ZDHHC21: variants seen among roughly 807,000 people sequenced by gnomAD.
The protein encoded by ZDHHC21 is palmitoyltransferase ZDHHC21.
ZDHHC21 carries 15 observed loss-of-function variants against 34.6 expected under a neutral mutation model. The ratio of observed to expected loss-of-function variants is 0.43; its 90% CI spans 0.29 to 0.67. The LOEUF (loss-of-function observed/expected upper bound fraction) is 0.67, where lower values mean the gene tolerates loss of function less well. ZDHHC21 is among the 30% of genes least tolerant of loss of function. The probability of loss-of-function intolerance (pLI) is 0.14; values close to 1 mark genes in which losing one functional copy is unlikely to be tolerated. For missense variants in ZDHHC21, 344 were observed against 327.7 expected, an observed-to-expected ratio of 1.05 and a Z score of -0.38; for synonymous variants, 142 against 101.8, an observed-to-expected ratio of 1.40 and a Z score of -2.38.
intron 7 of ZDHHC21, among the ~76,000 whole-genome samples, chr9:14,641,584 T>C (rs1829390015): frequency 6.6e-6 from 1 of 152,040 alleles, no homozygotes; most frequent in South Asian, 2.1e-4. Context: ...CAAAACACAC[T>C]CACCCGTCAA....
chr9:14,625,725 A>G (rs2133506080), intron 8 of ZDHHC21, among the ~76,000 whole-genome samples: 1 of 152,086 alleles, frequency 6.6e-6, no homozygotes, highest in Non-Finnish European at 1.5e-5. Flanking sequence ...GTTTAAACAA[A>G]CAAACAAGTG....
chr9:14,681,534 G>T (rs1041104740), intron 2 of ZDHHC21, among the ~76,000 whole-genome samples: 5 of 152,176 alleles, frequency 3.3e-5, no homozygotes, highest in African/African-American at 1.2e-4. Context: ...ACCACTGAGG[G>T]ATTTTAGGCA....
chr9:14,636,445 T>G (rs1828318927), intron 8 of ZDHHC21, among the ~76,000 whole-genome samples: 1 of 152,134 alleles, frequency 6.6e-6, no homozygotes, highest in Non-Finnish European at 1.5e-5. Context: ...AGATAGACTC[T>G]AATACAGTAA....
the ZDHHC21 span, among the ~76,000 whole-genome samples, chr9:14,604,243 A>T: frequency 6.6e-6 from 1 of 152,152 alleles, no homozygotes; most frequent in Non-Finnish European, 1.5e-5. Context: ...CCACTATTTC[A>T]CTTCTCTTTG....
At chr9:14,639,250 A>C (rs576756397) in intron 8 of ZDHHC21, among the ~76,000 whole-genome samples, 2 of 152,176 alleles carry the variant, frequency 1.3e-5, no homozygotes, top group East Asian at 3.9e-4. Context: ...AATGAAACAA[A>C]CCAGGCACAG....
intron 1 of ZDHHC21, 21 bp downstream of exon 1, chr9:14,693,207 GC>G: frequency 2.8e-6 from 1 of 352,912 alleles, no homozygotes. Context: ...CGGCCGCTTC[GC>G]CCCCGCGCCT....
intron 3 of ZDHHC21, among the ~76,000 whole-genome samples, chr9:14,678,406 T>C (rs777463341): frequency 6.6e-6 from 1 of 151,664 alleles, no homozygotes; most frequent in Non-Finnish European, 1.5e-5. Flanking sequence ...ACAACATAAA[T>C]ATATAAAGAA....
intron 1 of ZDHHC21, among the ~76,000 whole-genome samples, chr9:14,691,473 G>A (rs560427337): frequency 6.6e-6 from 1 of 152,256 alleles, no homozygotes; most frequent in Non-Finnish European, 1.5e-5. Context: ...CGGTCATTAC[G>A]AATTAAAGAA....
chr9:14,601,864 G>A, the ZDHHC21 span, among the ~76,000 whole-genome samples: 1 of 152,088 alleles, frequency 6.6e-6, no homozygotes, highest in Non-Finnish European at 1.5e-5. Context: ...GATGAAGCTG[G>A]AAACCATCAT....
chr9:14,677,479 C>G (rs1836631786), intron 3 of ZDHHC21: 1 of 151,992 alleles, frequency 6.6e-6, no homozygotes, highest in African/African-American at 2.4e-5. Context: ...GAAACTATTA[C>G]ACATCCTGAG....
At chr9:14,671,320 T>C (rs1397385258) in intron 5 of ZDHHC21, among the ~76,000 whole-genome samples, 1 of 152,042 alleles carries the variant, frequency 6.6e-6, no homozygotes, top group African/African-American at 2.4e-5. Flanking sequence ...CTCACTCAAT[T>C]AATACATTTA....
rs759170358 is a variant in ZDHHC21 at position 14,662,316 on chromosome 9, G to A, written c.264C>T (p.Phe88=). The change falls in exon 6 of 10, where the codon TTC becomes TTT. Residue 88 remains phenylalanine, a synonymous_variant. Coordinates refer to ENST00000380916, the MANE Select transcript of ZDHHC21 (RefSeq NM_178566.6). ...AATTACACTTGTTACATAATTCCCA[G>A]AACTCCCTTTCTAAAGAAAAGAAAT... ...NPKIPHGERE[F]WELCNKCNLM... 2 of 1,605,658 alleles carry A rather than the reference G, an allele frequency of 1.2e-6. No homozygotes were observed. The highest frequency in any genetic ancestry group is 1.7e-6 in the Non-Finnish European group (2 of 1,177,256).
chr9:14,665,452 A>C (rs1170113354), intron 5 of ZDHHC21, among the ~76,000 whole-genome samples: 1 of 150,284 alleles, frequency 6.7e-6, no homozygotes, highest in Non-Finnish European at 1.5e-5. Context: ...GAACTTCCCC[A>C]ATCTAGCAAG....
intron 5 of ZDHHC21, among the ~76,000 whole-genome samples, chr9:14,662,935 C>T (rs1384343882): frequency 6.6e-6 from 1 of 152,066 alleles, no homozygotes; most frequent in African/African-American, 2.4e-5. Context: ...AGAATAGTTT[C>T]AGTAGTGAAA....
intron 3 of ZDHHC21, among the ~76,000 whole-genome samples, chr9:14,674,727 G>T (rs1836052716): frequency 6.6e-6 from 1 of 151,918 alleles, no homozygotes; most frequent in Non-Finnish European, 1.5e-5. Context: ...AAACCCAAAA[G>T]AAATGAATAC....
intron 5 of ZDHHC21, among the ~76,000 whole-genome samples, chr9:14,665,057 G>A (rs1318372904): frequency 4.1e-5 from 3 of 72,966 alleles, no homozygotes; most frequent in Non-Finnish European, 5.7e-5. Context: ...TCTGAGCTAC[G>A]GAAGGACATT....
rs1176910783 is a variant in ZDHHC21 at position 14,613,445 on chromosome 9, T to C, written c.*5521A>G. On this transcript the variant is annotated 3_prime_UTR_variant, in exon 10 of 10. Transcript: ENST00000380916. ...TCCAATGTATACTGGCAAGAATATA[T>C]AGCTTGCAATACGCAGGTAAGCTTT... The C allele has an allele frequency of 1.3e-5, 2 of 151,736 alleles. No individual in the cohort carries two copies. The highest frequency in any genetic ancestry group is 1.5e-5 in the Non-Finnish European group (1 of 67,794). The allele number at this position is 151,736 out of a possible 1,614,324, so 9.4% of individuals were successfully genotyped here.
At position 14,613,392 on chromosome 9, in the gene ZDHHC21, C is replaced by T. The variant is rs1823651824; in HGVS notation, c.*5574G>A. ...AGTTGTTGAGGTTATAAAACACGAA[C>T]TTCAGGCACCAGTAGGTTAAAATAT... On this transcript the variant is annotated 3_prime_UTR_variant, in exon 10 of 10. Coordinates refer to ENST00000380916, the MANE Select transcript of ZDHHC21 (RefSeq NM_178566.6). The T allele has an allele frequency of 6.6e-6, 1 of 151,816 alleles. No individual in the cohort carries two copies. 9.4% of individuals were successfully genotyped at this position (151,816 alleles called of 1,614,324 possible).
intron 8 of ZDHHC21, among the ~76,000 whole-genome samples, chr9:14,630,165 T>C (rs1160574402): frequency 6.6e-6 from 1 of 152,216 alleles, no homozygotes; most frequent in Non-Finnish European, 1.5e-5. Flanking sequence ...ACAGTAGGAC[T>C]TCGTTAAAAA....
Sources: allele counts gnomAD v4.1 joint callset (sites outside exome capture counted in the v4.1 genomes callset), GRCh38; gene constraint gnomAD v4.1.1; transcripts MANE v1.5; gene names NCBI Gene and HGNC (gene_info 2026-07-23, HGNC 2026-07-21).